Variants in SIDT1 observed in about 807,000 individuals in gnomAD.
SIDT1 encodes the protein SID1 transmembrane family member 1, also known as SID1 transmembrane family, member 1.
Under a neutral mutation model 107.5 loss-of-function variants are expected in SIDT1, and 101 were observed. The ratio of observed to expected loss-of-function variants is 0.94; its 90% CI spans 0.80 to 1.11. SIDT1 has a LOEUF of 1.11. SIDT1 is among the 50% of genes least tolerant of loss of function. The pLI is 0.00. For missense variants in SIDT1, 1,076 were observed against 1,058.2 expected, an observed-to-expected ratio of 1.02 and a Z score of -0.23; for synonymous variants, 395 against 398.2, an observed-to-expected ratio of 0.99 and a Z score of 0.10.
chr3:113,627,771 G>C lies in SIDT1; in HGVS notation c.*63G>C, dbSNP rs1946952662. The C allele has an allele frequency of 3.3e-6, 5 of 1,497,536 alleles. 1 individual carries two copies. The South Asian group carries it at 4.5e-5, about 14-fold the overall frequency. The allele number at this position is 1,497,536 out of a possible 1,614,324, so 92.8% of individuals were successfully genotyped here. On this transcript the variant is annotated 3_prime_UTR_variant, in exon 25 of 25. Transcript: ENST00000264852. The stretch of plus-strand genomic sequence containing the variant: ...TTGGTGCTGTTTCACAAAAATTACA[G>C]TGACCACAGCAAAGTAACCACTGCC...
chr3:113,558,415 T>C (rs1232660305), intron 1 of SIDT1, among the ~76,000 whole-genome samples: 2 of 152,174 alleles, frequency 1.3e-5, no homozygotes, highest in African/African-American at 4.8e-5. Flanking sequence ...CAGTCCTTCA[T>C]AGGTTCTTTT....
In SIDT1 at chr3:113,533,012, G is replaced by C. The variant is rs980800689; in HGVS notation, c.-10G>C. The C allele has an allele frequency of 1.5e-6, 2 of 1,350,466 alleles. No individual in the cohort carries two copies. Among genetic ancestry groups the C allele is most frequent in the Non-Finnish European group, 1.9e-6 (2 of 1,055,012 alleles). The allele number at this position is 1,350,466 out of a possible 1,614,324, so 83.7% of individuals were successfully genotyped here. A position where few individuals can be genotyped will look rare whatever the true frequency, so the allele number is the denominator to read the frequency against. ...TGGCTCCGCTTTCGAGCCCGGGCGC[G>C]GTGCCCACCATGCGCGGCTGCCTGC... On this transcript the variant is annotated 5_prime_UTR_variant, in exon 1 of 25. Coordinates refer to ENST00000264852, the MANE Select transcript of SIDT1 (RefSeq NM_017699.3).
intron 11 of SIDT1, chr3:113,602,626 CATATATGCA>C: frequency 6.4e-6 from 1 of 156,256 alleles, no homozygotes; most frequent in Non-Finnish European, 1.4e-5. Context: ...TGGGCTCACA[CATATATGCA>C]ATAGATGCTA....
At chr3:113,605,053 G>A (rs1945226765) in intron 14 of SIDT1, 77 bp downstream of exon 14, 8 of 1,480,172 alleles carry the variant, frequency 5.4e-6, no homozygotes, top group Non-Finnish European at 7.5e-6. Flanking sequence ...GACTGACAGA[G>A]AGAGGTACAA....
intron 19 of SIDT1, among the ~76,000 whole-genome samples, chr3:113,614,486 CAAT>C (rs1945968917): frequency 2.0e-5 from 3 of 152,194 alleles, no homozygotes; most frequent in Non-Finnish European, 4.4e-5. Context: ...TCGTCGTTGA[CAAT>C]GATTGTGTCT....
chr3:113,539,225 A>G (rs969505854), intron 1 of SIDT1, among the ~76,000 whole-genome samples: 12 of 152,236 alleles, frequency 7.9e-5, no homozygotes, highest in African/African-American at 2.4e-4. Context: ...GAGCTTATGC[A>G]TTTAAACATA....
rs1227289806 is a variant in SIDT1, at chr3:113,593,061, C to T, written c.1045+13C>T. ...GGGTCCAATGATGGTAAGAGCAATG[C>T]TTGGTTTCAATTCAAAATGGTGTCG... On this transcript the variant is annotated intron_variant, in intron 10 of 24. Transcript: ENST00000264852. The T allele has an allele frequency of 3.7e-6, 6 of 1,608,958 alleles. No individual in the cohort carries two copies. The highest frequency in any genetic ancestry group is 3.3e-5 in the Admixed American group (2 of 59,998).
intron 1 of SIDT1, among the ~76,000 whole-genome samples, chr3:113,542,170 G>T (rs1938984907): frequency 6.6e-6 from 1 of 152,006 alleles, no homozygotes; most frequent in Non-Finnish European, 1.5e-5. Flanking sequence ...AGATCCACCT[G>T]CCTCAGACTC....
At chr3:113,589,953 C>T (rs757774446) in intron 9 of SIDT1, 1 of 152,870 alleles carries the variant, frequency 6.5e-6, no homozygotes, top group Non-Finnish European at 1.5e-5. Flanking sequence ...AGTATAGATC[C>T]CTGCTGTGAT....
intron 9 of SIDT1, among the ~76,000 whole-genome samples, chr3:113,591,134 G>A (rs1439132691): frequency 6.6e-6 from 1 of 152,228 alleles, no homozygotes; most frequent in Non-Finnish European, 1.5e-5. Flanking sequence ...GGGGCTGTGA[G>A]TCAGGAAATA....
chr3:113,595,397 A>T (rs1036260075), intron 10 of SIDT1, among the ~76,000 whole-genome samples: 1 of 152,084 alleles, frequency 6.6e-6, no homozygotes, highest in East Asian at 1.9e-4. Context: ...ACATAGTAAG[A>T]CTTCGTCTTC....
intron 1 of SIDT1, among the ~76,000 whole-genome samples, chr3:113,542,936 G>GTGTGTGTGTT (rs1553777630): frequency 1.0e-3 from 122 of 118,520 alleles, no homozygotes; most frequent in African/African-American, 3.5e-3. Context: ...GTGTGTGTGT[G>GTGTGTGTGTT]TGTTTGTTTG....
chr3:113,543,552 A>C (rs981681785), intron 1 of SIDT1, among the ~76,000 whole-genome samples: 4 of 152,076 alleles, frequency 2.6e-5, no homozygotes, highest in Non-Finnish European at 5.9e-5. Flanking sequence ...GTTAGTGGGG[A>C]TACCTCGTCA....
chr3:113,603,697 G>C (rs1331558070), intron 12 of SIDT1, among the ~76,000 whole-genome samples: 1 of 152,112 alleles, frequency 6.6e-6, no homozygotes, highest in Non-Finnish European at 1.5e-5. Flanking sequence ...GCCCACATCA[G>C]CCAATCCTTA....
chr3:113,623,509 C>T lies in SIDT1; in HGVS notation c.2173C>T (p.Leu725=), dbSNP rs778826683. 2.5e-6 allele frequency: 4 copies of T among 1,613,868 alleles called. No individual in the cohort carries two copies. In the South Asian group the frequency reaches 4.4e-5, roughly 18 times the overall value. ...CTTCATCTGTAACCTTTTGCTGTAC[C>T]TGGCCTTTTACATCATCATGAAGGT... ...GIFICNLLLY[L]AFYIIMKLRS... is the part of the protein sequence containing the mutation. The change falls in exon 22 of 25, where the codon CTG becomes TTG. Residue 725 remains leucine (L), a synonymous_variant. Coordinates refer to ENST00000264852, the MANE Select transcript of SIDT1 (RefSeq NM_017699.3).
chr3:113,593,365 A>G (rs2107605532), intron 10 of SIDT1, among the ~76,000 whole-genome samples: 1 of 152,340 alleles, frequency 6.6e-6, no homozygotes, highest in East Asian at 1.9e-4. Flanking sequence ...CAGTGGCAGC[A>G]TTAGATTCTC....
intron 3 of SIDT1, 143 bp from the exon 4 acceptor site, chr3:113,576,779 G>C: frequency 1.2e-6 from 1 of 806,464 alleles, no homozygotes. Context: ...CAGTTTCACG[G>C]AACCGGAACT....
rs1315837515 is a variant in SIDT1, at chr3:113,628,149, C to A, written c.*441C>A. 1 of 165,674 alleles carries A rather than the reference C, an allele frequency of 6.0e-6. No homozygotes were observed. The highest frequency in any genetic ancestry group is 1.3e-5 in the Non-Finnish European group (1 of 76,404). 10.3% of individuals were successfully genotyped at this position (165,674 alleles called of 1,614,324 possible). On this transcript the variant is annotated 3_prime_UTR_variant, in exon 25 of 25. Transcript: ENST00000264852. ...AGAAACTGTGTTGGCCCCCTTCACA[C>A]CTCTGCAACACCTGCTGCTCCAGCA...
At chr3:113,606,082 A>G (rs1378784822) in intron 14 of SIDT1, among the ~76,000 whole-genome samples, 2 of 152,120 alleles carry the variant, frequency 1.3e-5, no homozygotes, top group African/African-American at 2.4e-5. Context: ...AGGAAAATGT[A>G]AAATAAAAAC....
Sources: gnomAD v4.1 joint callset for allele counts (sites outside exome capture counted in the v4.1 genomes callset) on GRCh38, gnomAD v4.1.1 for gene constraint, MANE v1.5 for transcripts, NCBI Gene and HGNC (gene_info 2026-07-23, HGNC 2026-07-21) for gene names.